The following ULK4 variants were observed in gnomAD, a reference collection of about 807,000 sequenced individuals.
The protein encoded by ULK4 is inactive serine/threonine-protein kinase ULK4.
In ULK4, 133 loss-of-function variants were observed where a neutral mutation model predicts 160.6. The ratio of observed to expected loss-of-function variants is 0.83; its 90% CI spans 0.72 to 0.96. The LOEUF is 0.96. ULK4 is among the 40% of genes least tolerant of loss of function. The pLI, the probability that ULK4 is intolerant of heterozygous loss-of-function variation, is 0.00. For synonymous variants in ULK4, 534 were observed against 539.8 expected, an observed-to-expected ratio of 0.99 and a Z score of 0.15; for missense variants, 1,580 against 1,499.5, an observed-to-expected ratio of 1.05 and a Z score of -0.89.
intron 32 of ULK4, among the ~76,000 whole-genome samples, chr3:41,559,146 G>T (rs556597370): frequency 6.7e-6 from 1 of 149,944 alleles, no homozygotes; most frequent in East Asian, 2.0e-4. Context: ...CTGTCCTTGC[G>T]ATAGTTTACT....
chr3:41,868,940 TCTTC>T (rs1696997164), intron 17 of ULK4: 1 of 152,188 alleles, frequency 6.6e-6, no homozygotes, highest in South Asian at 2.1e-4. Flanking sequence ...ATTTTATCTT[TCTTC>T]CTTTATTCCT....
rs144640939 is a variant in ULK4 at position 41,717,633 on chromosome 3, C to G, written c.2455+95G>C. 3.8e-4 allele frequency: 563 copies of G among 1,470,304 alleles called. 5 individuals carry two copies. In the East Asian group the frequency reaches 8.0e-3, roughly 21 times the overall value. The allele number at this position is 1,470,304 out of a possible 1,614,324, so 91.1% of individuals were successfully genotyped here. A position where few individuals can be genotyped will look rare whatever the true frequency, so the allele number is the denominator to read the frequency against. On this transcript the variant is annotated intron_variant, in intron 23 of 36. Transcript: ENST00000301831. ...AAGTGTCTGCATTTGCCTTCAAGAA[C>G]AGACAAGTAAGAATAAAAAAGAACT...
At chr3:41,809,176 C>CAAAA (rs533578363) in intron 19 of ULK4, among the ~76,000 whole-genome samples, 3 of 75,506 alleles carry the variant, frequency 4.0e-5, no homozygotes, top group Admixed American at 1.3e-4. Context: ...AAAAAAAAAA[C>CAAAA]AAAAAAAAAA....
intron 8 of ULK4, among the ~76,000 whole-genome samples, chr3:41,913,847 C>T (rs1236829474): frequency 6.6e-6 from 1 of 152,086 alleles, no homozygotes; most frequent in Non-Finnish European, 1.5e-5. Context: ...CCTATAATCC[C>T]AGCTACTTGG....
intron 22 of ULK4, among the ~76,000 whole-genome samples, chr3:41,749,009 T>C (rs938047506): frequency 6.6e-6 from 1 of 152,184 alleles, no homozygotes; most frequent in African/African-American, 2.4e-5. Context: ...ATCTAGATAC[T>C]TCAGCTGGTC....
At chr3:41,870,908 G>A (rs1697065176) in intron 17 of ULK4, among the ~76,000 whole-genome samples, 1 of 152,196 alleles carries the variant, frequency 6.6e-6, no homozygotes, top group South Asian at 2.1e-4. Flanking sequence ...GTGGGACCAG[G>A]TGGAGGTAAC....
intron 35 of ULK4, among the ~76,000 whole-genome samples, chr3:41,266,353 C>T (rs1484253083): frequency 6.6e-6 from 1 of 152,194 alleles, no homozygotes; most frequent in African/African-American, 2.4e-5. Flanking sequence ...ATGGGTGAAG[C>T]TGATTCTAGA....
At chr3:41,596,206 CT>C (rs1367708199) in intron 31 of ULK4, among the ~76,000 whole-genome samples, 1 of 152,174 alleles carries the variant, frequency 6.6e-6, no homozygotes, top group Non-Finnish European at 1.5e-5. Context: ...CTTAAGGCAG[CT>C]GCACATTGGG....
intron 35 of ULK4, among the ~76,000 whole-genome samples, chr3:41,305,197 C>CCTCTCCCCACGGTCTCCCT (rs2079881649): frequency 9.2e-6 from 1 of 108,776 alleles, no homozygotes; most frequent in African/African-American, 4.3e-5. Context: ...TCTCCCTCTC[C>CCTCTCCCCACGGTCTCCCT]CTCTCCCTCT....
intron 34 of ULK4, among the ~76,000 whole-genome samples, chr3:41,444,803 T>C (rs2083258926): frequency 6.6e-6 from 1 of 152,012 alleles, no homozygotes; most frequent in Non-Finnish European, 1.5e-5. Flanking sequence ...TATGGTGAAA[T>C]CCCATCTCTA....
intron 32 of ULK4, among the ~76,000 whole-genome samples, chr3:41,524,986 A>G (rs1204134966): frequency 1.3e-5 from 2 of 152,072 alleles, no homozygotes; most frequent in South Asian, 2.1e-4. Context: ...AAGGAAGAGG[A>G]GCTAAGTCTG....
rs78600390 is a variant in ULK4 at position 41,692,779 on chromosome 3, C to T, written c.2782-10975G>A. Among the ~76,000 whole-genome samples, 383 of 152,280 alleles carry T rather than the reference C, an allele frequency of 2.5e-3. 1 individual carries two copies. The highest frequency in any genetic ancestry group is 8.3e-3 in the African/African-American group (344 of 41,566). ...AATGTGCTCTGAAAGCAGAGACCTA[C>T]TGAACTTTTTGAAAATGGAAATTCC... On this transcript the variant is annotated intron_variant, in intron 27 of 36. Transcript: ENST00000301831.
intron 32 of ULK4, among the ~76,000 whole-genome samples, chr3:41,519,649 A>G (rs945303263): frequency 2.6e-5 from 4 of 152,204 alleles, no homozygotes; most frequent in African/African-American, 9.7e-5. Context: ...AGCCTTAAAC[A>G]TAAGACACAG....
intron 12 of ULK4, among the ~76,000 whole-genome samples, chr3:41,901,479 C>CTTTTTTGTTTTT (rs1698359745): frequency 4.4e-5 from 1 of 22,526 alleles, no homozygotes; most frequent in Non-Finnish European, 1.7e-4. Flanking sequence ...CACGCCCAGC[C>CTTTTTTGTTTTT]TTTTTTTTTT....
chr3:41,653,450 C>T lies in ULK4; in HGVS notation c.3071+10157G>A, dbSNP rs191794378. On this transcript the variant is annotated intron_variant, in intron 30 of 36. Coordinates refer to ENST00000301831, the MANE Select transcript of ULK4 (RefSeq NM_017886.4). ...CCCTTCCTCTTGGATCTTTTAGTAACGAACTATTTTTTCAATGGCAATTGT... is the reference window on the plus strand; with the variant it reads ...CCCTTCCTCTTGGATCTTTTAGTAATGAACTATTTTTTCAATGGCAATTGT... 3.9e-5 allele frequency among the ~76,000 whole-genome samples: 6 copies of T among 152,240 alleles called. No individual in the cohort carries two copies. In the East Asian group the frequency reaches 9.7e-4, roughly 25 times the overall value.
intron 21 of ULK4, among the ~76,000 whole-genome samples, chr3:41,763,637 C>G (rs2039063750): frequency 6.6e-6 from 1 of 152,128 alleles, no homozygotes; most frequent in Non-Finnish European, 1.5e-5. Context: ...GAGTTTGGGT[C>G]TACTATGAGC....
intron 2 of ULK4, among the ~76,000 whole-genome samples, chr3:41,952,196 C>G (rs1349113325): frequency 2.0e-5 from 3 of 151,934 alleles, no homozygotes; most frequent in Non-Finnish European, 4.4e-5. Context: ...AAAAAAAAGA[C>G]AAATGTGACT....
At chr3:41,774,600 T>C (rs1481468785) in intron 21 of ULK4, among the ~76,000 whole-genome samples, 2 of 149,350 alleles carry the variant, frequency 1.3e-5, no homozygotes, top group African/African-American at 2.6e-5. Flanking sequence ...TGTGGAGAAA[T>C]AGGAACACTT....
chr3:41,945,515 T>A (rs922122567), intron 2 of ULK4, among the ~76,000 whole-genome samples: 1 of 152,184 alleles, frequency 6.6e-6, no homozygotes, highest in African/African-American at 2.4e-5. Context: ...TCTCCTTTGC[T>A]GGGTCCTCCT....
Sources: gnomAD v4.1 joint callset for allele counts (sites outside exome capture counted in the v4.1 genomes callset) on GRCh38, gnomAD v4.1.1 for gene constraint, MANE v1.5 for transcripts, NCBI Gene and HGNC (gene_info 2026-07-23, HGNC 2026-07-21) for gene names.